MRC2: variants seen among roughly 807,000 people sequenced by gnomAD.
MRC2 encodes the protein C-type mannose receptor 2.
Under a neutral mutation model 206.2 loss-of-function variants are expected in MRC2, and 84 were observed. That is an observed-to-expected ratio of 0.41 (90% CI 0.34 to 0.49). MRC2 has a LOEUF of 0.49. MRC2 is among the 20% of genes least tolerant of loss of function. The pLI is 0.31. For missense variants in MRC2, 1,676 were observed against 2,001.5 expected (o/e 0.84, Z 3.10); for synonymous variants, 798 against 800.0 (o/e 1.00, Z 0.04).
intron 2 of MRC2, among the ~76,000 whole-genome samples, chr17:62,665,241 A>C (rs1209231871): frequency 1.3e-5 from 2 of 152,056 alleles, no homozygotes; most frequent in East Asian, 3.9e-4. Flanking sequence ...CTCTACTAAA[A>C]ATTCAAAAAT....
intron 1 of MRC2, among the ~76,000 whole-genome samples, chr17:62,640,875 G>GT (rs926594339): frequency 1.3e-4 from 20 of 151,066 alleles, no homozygotes; most frequent in South Asian, 6.3e-4. Flanking sequence ...TGTTTTTTGT[G>GT]TTTTTTTTAG....
intron 9 of MRC2, among the ~76,000 whole-genome samples, chr17:62,674,708 G>C (rs79046538): frequency 8.2e-4 from 125 of 152,044 alleles, no homozygotes; most frequent in African/African-American, 2.7e-3. Context: ...TTGAGGGGGG[G>C]GGTGTCAAGG....
Position 62,666,618 on chromosome 17 carries a change from C to A in MRC2, c.858C>A (p.Asn286Lys). 1.3e-6 allele frequency: 2 copies of A among 1,560,580 alleles called. No homozygotes were observed. Among genetic ancestry groups the A allele is most frequent in the Non-Finnish European group, 1.7e-6 (2 of 1,152,136 alleles). ...ITEIHEQTYI[N>K]GLLTGYSSTL... ...AGATCCACGAGCAGACCTACATCAA[C>A]GGTGAGCCGGGGCCTGATGCCTGCT... The change falls in exon 4 of 30, where the codon AAC becomes AAA. Residue 286 changes from asparagine to lysine, a missense_variant and splice_region_variant. By Grantham distance (94) the Asn-to-Lys change is moderately conservative. Transcript: ENST00000303375. The surrounding 1 kb of genome is among the most constrained non-coding windows in gnomAD (Gnocchi z 5.0).
intron 20 of MRC2, chr17:62,684,133 GACTCACAGGTCTA>G (rs2089004670): frequency 6.6e-6 from 1 of 152,162 alleles, no homozygotes. Flanking sequence ...TATGACTCAT[GACTCACAGGTCTA>G]ACGTGTTGAA....
intron 6 of MRC2, among the ~76,000 whole-genome samples, chr17:62,670,537 G>A (rs1418337275): frequency 1.3e-5 from 2 of 152,266 alleles, no homozygotes; most frequent in African/African-American, 2.4e-5. Context: ...GCCCGAGCAT[G>A]ACACTGTGGG....
chr17:62,629,712 C>T (rs1167086611), intron 1 of MRC2, among the ~76,000 whole-genome samples: 3 of 152,216 alleles, frequency 2.0e-5, no homozygotes, highest in Admixed American at 6.5e-5. Context: ...GCCTCTGGGC[C>T]GAATTCCTTG....
intron 1 of MRC2, among the ~76,000 whole-genome samples, chr17:62,653,096 G>A (rs937274642): frequency 2.6e-5 from 4 of 152,302 alleles, no homozygotes; most frequent in African/African-American, 9.6e-5. Context: ...GCCAGTGGGA[G>A]GAAAGGGCCG....
At position 62,690,995 on chromosome 17, in the gene MRC2, C is replaced by T. The variant is rs747526749; in HGVS notation, c.4059C>T (p.Asn1353=). 180 of 1,609,036 alleles carry T rather than the reference C, an allele frequency of 1.1e-4. No homozygotes were observed. Among genetic ancestry groups the T allele is most frequent in the Non-Finnish European group, 1.5e-4 (173 of 1,178,544 alleles). The change falls in exon 28 of 30, where the codon AAC becomes AAT. Residue 1353 remains asparagine, a synonymous_variant. Transcript: ENST00000303375. ...ACAACACAGCTGTGAACTACTCCAA[C>T]TGGGGGCCCCCGGGCTTGGGCCCCA... ...WQDNTAVNYS[N]WGPPGLGPSM...
At chr17:62,650,908 A>T (rs1027531267) in intron 1 of MRC2, among the ~76,000 whole-genome samples, 1 of 152,158 alleles carries the variant, frequency 6.6e-6, no homozygotes, top group Non-Finnish European at 1.5e-5. Context: ...ATACTGGCAC[A>T]GTGCTGTTTA....
intron 1 of MRC2, among the ~76,000 whole-genome samples, chr17:62,630,203 G>A (rs1340431746): frequency 6.6e-6 from 1 of 152,224 alleles, no homozygotes; most frequent in African/African-American, 2.4e-5. Flanking sequence ...AGTGAACTGC[G>A]TAGGGGGCAG....
chr17:62,666,699 G>A lies in MRC2; in HGVS notation c.860-58G>A. The A allele has an allele frequency of 6.3e-7, 1 of 1,584,220 alleles. No individual in the cohort carries two copies. The highest frequency in any genetic ancestry group is 1.1e-5 in the South Asian group (1 of 87,110). On this transcript the variant is annotated intron_variant, in intron 4 of 29. Coordinates refer to ENST00000303375, the MANE Select transcript of MRC2 (RefSeq NM_006039.5). The surrounding 1 kb of genome is among the most constrained non-coding windows in gnomAD (Gnocchi z 5.0). ...CTTGTGGGTTGGGGAGAGGGCGATG[G>A]GGAGCGGGGGAGGCTGGGGCTGGGG...
At chr17:62,690,336 C>G in intron 26 of MRC2, 31 bp downstream of exon 26, 1 of 1,579,878 alleles carries the variant, frequency 6.3e-7, no homozygotes, top group Non-Finnish European at 8.6e-7. Flanking sequence ...CCACACATGG[C>G]GGGCAGGTGG....
chr17:62,666,127 A>G lies in MRC2; in HGVS notation c.554A>G (p.Lys185Arg). 1 of 1,597,614 alleles carries G rather than the reference A, an allele frequency of 6.3e-7. No individual in the cohort carries two copies. Among genetic ancestry groups the G allele is most frequent in the Non-Finnish European group, 8.5e-7 (1 of 1,171,784 alleles). The change falls in exon 3 of 30, where the codon AAG becomes AGG. Residue 185 changes from lysine to arginine, a missense_variant. Physicochemically the swap from Lys to Arg is conservative, Grantham distance 26. This residue lies in a region of MRC2 where 318 missense variants were observed against 346.7 expected (regional missense o/e 0.92). Transcript: ENST00000303375. This position sits in a 1 kb window ranked among gnomAD's most constrained non-coding sequence, Gnocchi z 5.0. ...ACCATCCAGGGAAACTCCCACGGAA[A>G]GCCGTGCACCATCCCCTTCAAATAT... Reference protein sequence around the residue: ...VYTIQGNSHGKPCTIPFKYDN... With the variant: ...VYTIQGNSHGRPCTIPFKYDN...
chr17:62,691,978 AG>A, intron 28 of MRC2, 133 bp from the exon 29 acceptor site: 1 of 1,153,236 alleles, frequency 8.7e-7, no homozygotes, highest in African/African-American at 1.5e-5. Context: ...AACCAGAGGT[AG>A]GATGGGAGGG....
Position 62,672,149 on chromosome 17 carries a change from C to T in MRC2, c.1458C>T (p.Gly486=), listed in dbSNP as rs866834159. 6.2e-7 allele frequency: 1 copy of T among 1,613,996 alleles called. No individual in the cohort carries two copies. Among genetic ancestry groups the T allele is most frequent in the Non-Finnish European group, 8.5e-7 (1 of 1,180,004 alleles). The change falls in exon 8 of 30, where the codon GGC becomes GGT. Residue 486 remains glycine (G), a synonymous_variant. Transcript: ENST00000303375. The surrounding 1 kb of genome is among the most constrained non-coding windows in gnomAD (Gnocchi z 4.5). ...TGGAGGACTGTGTCACCATCTGGGG[C>T]CCGGTGAGATCTCCCTCTCCCTATC... ...DSLEDCVTIW[G]PEGRWNDSPC...
rs2088570637 is a variant in MRC2, at chr17:62,652,732, A to G, written c.119-11816A>G. On this transcript the variant is annotated intron_variant, in intron 1 of 29. Transcript: ENST00000303375. The surrounding 1 kb of genome is among the most constrained non-coding windows in gnomAD (Gnocchi z 4.6). ...GTGGAGGGAGGGGCGCCCAGTGGAGAGGGGGCTCACGGTGACAGAGGAAGT... is the reference window on the plus strand; with the variant it reads ...GTGGAGGGAGGGGCGCCCAGTGGAGGGGGGGCTCACGGTGACAGAGGAAGT... 1.0e-5 allele frequency among the ~76,000 whole-genome samples: 1 copy of G among 98,408 alleles called. No homozygotes were observed. The highest frequency in any genetic ancestry group is 2.0e-5 in the Non-Finnish European group (1 of 48,878). The allele number at this position is 98,408 out of a possible 152,430, so 64.6% of individuals were successfully genotyped here. A position where few individuals can be genotyped will look rare whatever the true frequency, so the allele number is the denominator to read the frequency against.
intron 20 of MRC2, among the ~76,000 whole-genome samples, chr17:62,687,818 G>C (rs889443590): frequency 6.6e-6 from 1 of 152,044 alleles, no homozygotes; most frequent in Non-Finnish European, 1.5e-5. Flanking sequence ...TGGAGGTGGA[G>C]CTTGCAGTGA....
chr17:62,648,671 A>G (rs2088519927), intron 1 of MRC2, among the ~76,000 whole-genome samples: 1 of 152,132 alleles, frequency 6.6e-6, no homozygotes, highest in Non-Finnish European at 1.5e-5. Flanking sequence ...ACAGAAACAT[A>G]TGGTGGTGGC....
At chr17:62,661,700 G>A (rs908098590) in intron 1 of MRC2, 3 of 152,074 alleles carry the variant, frequency 2.0e-5, no homozygotes, top group African/African-American at 7.2e-5. Context: ...AACCAATTGA[G>A]ATAACTCACC....
Sources: allele counts gnomAD v4.1 joint callset (sites outside exome capture counted in the v4.1 genomes callset), GRCh38; gene constraint gnomAD v4.1.1; regional missense constraint gnomAD v4.1.1; non-coding constraint Gnocchi (gnomAD v3.1); transcripts MANE v1.5; gene names NCBI Gene and HGNC (gene_info 2026-07-23, HGNC 2026-07-21).